The following AFAP1L2 variants were observed in gnomAD, a reference collection of about 807,000 sequenced individuals.
AFAP1L2 encodes the protein actin filament-associated protein 1-like 2.
Under a neutral mutation model 99.3 loss-of-function variants are expected in AFAP1L2, and 46 were observed. The ratio of observed to expected loss-of-function variants is 0.46; its 90% CI spans 0.37 to 0.59. The LOEUF (loss-of-function observed/expected upper bound fraction) is 0.59, where lower values mean the gene tolerates loss of function less well. Among genes scored for constraint, AFAP1L2 ranks in the 20% least tolerant of loss-of-function variants. The pLI, the probability that AFAP1L2 is intolerant of heterozygous loss-of-function variation, is 0.00. For synonymous variants in AFAP1L2, 397 were observed against 419.1 expected (o/e 0.95, Z 0.64); for missense variants, 959 against 1,034.9 (o/e 0.93, Z 1.01).
intron 1 of AFAP1L2, among the ~76,000 whole-genome samples, chr10:114,394,873 C>A (rs143888492): frequency 1.6e-3 from 245 of 152,272 alleles, no homozygotes; most frequent in African/African-American, 5.6e-3. Context: ...GTACCTGCCC[C>A]TGCTCTCTCA....
At chr10:114,348,388 C>G (rs915676015) in intron 1 of AFAP1L2, among the ~76,000 whole-genome samples, 1 of 152,194 alleles carries the variant, frequency 6.6e-6, no homozygotes, top group Non-Finnish European at 1.5e-5. Flanking sequence ...TCTCCCTACT[C>G]CCACAGCATG....
intron 1 of AFAP1L2, among the ~76,000 whole-genome samples, chr10:114,356,100 C>T (rs4144103): frequency 0.71 from 107,298 of 152,090 alleles, 40,736 homozygotes; most frequent in Middle Eastern, 0.85. Flanking sequence ...ACTATGGTCA[C>T]AATCAAAAAG....
chr10:114,300,473 A>T lies in AFAP1L2; in HGVS notation c.1760T>A (p.Ile587Lys), dbSNP rs575023290. Residue 587 changes from isoleucine to lysine, a missense_variant, in exon 14 of 19, where the codon ATA becomes AAA. Ile to Lys is a moderately radical substitution (Grantham distance 102, BLOSUM62 -3). Transcript: ENST00000304129. ...TTCTCCCAGGTTCTCTGGACACTTTATGCAGGGCTCATCTGGGGTGGGACC... is the reference window on the plus strand; with the variant it reads ...TTCTCCCAGGTTCTCTGGACACTTTTTGCAGGGCTCATCTGGGGTGGGACC... ...GPGPTPDEPC[I>K]KCPENLGEQQ... 10 of 1,613,464 alleles carry T rather than the reference A, an allele frequency of 6.2e-6. No homozygotes were observed. In the South Asian group the frequency reaches 9.9e-5, roughly 16 times the overall value.
intron 1 of AFAP1L2, among the ~76,000 whole-genome samples, chr10:114,341,266 G>A (rs2048787247): frequency 1.3e-5 from 2 of 152,168 alleles, no homozygotes; most frequent in African/African-American, 4.8e-5. Context: ...CCTCGCCTTG[G>A]CTTGACTGCA....
intron 1 of AFAP1L2, chr10:114,398,713 G>T: frequency 4.3e-6 from 3 of 691,650 alleles, no homozygotes; most frequent in Non-Finnish European, 4.2e-6. Flanking sequence ...CCGAGCCCCT[G>T]AGTGCCCAGG....
intron 1 of AFAP1L2, among the ~76,000 whole-genome samples, chr10:114,371,458 C>T (rs538196210): frequency 9.2e-5 from 14 of 151,538 alleles, no homozygotes; most frequent in Non-Finnish European, 1.3e-4. Flanking sequence ...CAGTCCCCCG[C>T]GAAAAAAAGA....
Position 114,307,878 on chromosome 10 carries a change from C to A in AFAP1L2, c.999G>T (p.Leu333=). The A allele has an allele frequency of 6.2e-7, 1 of 1,614,154 alleles. No homozygotes were observed. The highest frequency in any genetic ancestry group is 8.5e-7 in the Non-Finnish European group (1 of 1,180,010). ...TCCTGCCCAGATTCATTAGGTTGCT[C>A]AGTTTGAGGCCAGCAGAACATTTCT... The part of the protein sequence containing the change: ...VKKKCSAGLK[L]SNLMNLGRKK... Residue 333 remains leucine (L), a synonymous_variant, in exon 10 of 19, where the codon CTG becomes CTT. Transcript: ENST00000304129.
At chr10:114,350,650 C>A (rs4751938) in intron 1 of AFAP1L2, among the ~76,000 whole-genome samples, 107,530 of 152,012 alleles carry the variant, frequency 0.71, 38,168 homozygotes, top group Admixed American at 0.76. Context: ...CCAGAGGCAG[C>A]CCCTGGCAGC....
intron 1 of AFAP1L2, among the ~76,000 whole-genome samples, chr10:114,391,154 G>T (rs1275268069): frequency 6.6e-6 from 1 of 152,128 alleles, no homozygotes; most frequent in African/African-American, 2.4e-5. Context: ...TAACTTTGAT[G>T]TAATCCAACT....
intron 6 of AFAP1L2, among the ~76,000 whole-genome samples, chr10:114,315,149 C>CAACA (rs2043918440): frequency 6.6e-6 from 1 of 151,972 alleles, no homozygotes; most frequent in African/African-American, 2.4e-5. Flanking sequence ...TCAAAAACAA[C>CAACA]AACAAACAAA....
intron 1 of AFAP1L2, among the ~76,000 whole-genome samples, chr10:114,379,155 G>C (rs2055230111): frequency 6.6e-6 from 1 of 151,910 alleles, no homozygotes; most frequent in African/African-American, 2.4e-5. Context: ...GGAGGTTGTA[G>C]TGAGCCGTGA....
chr10:114,293,800 T>C (rs1367514500), downstream of AFAP1L2, among the ~76,000 whole-genome samples: 2 of 152,212 alleles, frequency 1.3e-5, no homozygotes, highest in African/African-American at 2.4e-5. Flanking sequence ...CAAATGATGC[T>C]AGTTTTGTCT....
Position 114,297,337 on chromosome 10 carries a change from G to A in AFAP1L2, c.2190C>T (p.Arg730=), listed in dbSNP as rs115650575. ...DEECRGEESR[R]VDLELSIMEV... ...CCATGATGCTGAGCTCCAGGTCCAC[G>A]CGCCTGCTCTCCTCGCCCCGGCACT... Residue 730 remains arginine (R), a synonymous_variant, in exon 17 of 19, where the codon CGC becomes CGT. Coordinates refer to ENST00000304129, the MANE Select transcript of AFAP1L2 (RefSeq NM_001001936.3). 2.9e-4 allele frequency: 467 copies of A among 1,613,864 alleles called. 1 individual carries two copies. In the African/African-American group the frequency reaches 4.3e-3, roughly 15 times the overall value.
At position 114,308,508 on chromosome 10, in the gene AFAP1L2, C is replaced by T. The variant is rs1590019493; in HGVS notation, c.892G>A (p.Ala298Thr). The change falls in exon 9 of 19, where the codon GCT becomes ACT. Residue 298 changes from alanine to threonine, a missense_variant. This residue lies in a region of AFAP1L2 where 383 missense variants were observed against 472.8 expected (regional missense o/e 0.81). Transcript: ENST00000304129. ...TCTGAAGCCGACAGGTACTTCTCAG[C>T]TATATCTGGCTATGGACAAAAGCGA... is the stretch of plus-strand genomic sequence containing the variant. Reference protein sequence around the residue: ...QRFNCQKPDIAEKYLSASEYG... With the variant: ...QRFNCQKPDITEKYLSASEYG... The T allele has an allele frequency of 6.2e-7, 1 of 1,614,158 alleles. No individual in the cohort carries two copies. Among genetic ancestry groups the T allele is most frequent in the Non-Finnish European group, 8.5e-7 (1 of 1,180,006 alleles).
the AFAP1L2 span, among the ~76,000 whole-genome samples, chr10:114,282,859 A>G: frequency 6.6e-6 from 1 of 152,156 alleles, no homozygotes; most frequent in East Asian, 1.9e-4. Flanking sequence ...AGACATCCTC[A>G]AAGCCAGCAC....
At chr10:114,354,806 C>T (rs2051077426) in intron 1 of AFAP1L2, among the ~76,000 whole-genome samples, 1 of 152,212 alleles carries the variant, frequency 6.6e-6, no homozygotes, top group Non-Finnish European at 1.5e-5. Flanking sequence ...TAGCTAGGGT[C>T]CCTAGGTCCA....
intron 1 of AFAP1L2, among the ~76,000 whole-genome samples, chr10:114,359,912 CATATATGTCACCAAG>C (rs2051984397): frequency 4.1e-5 from 1 of 24,546 alleles, no homozygotes; most frequent in Non-Finnish European, 1.3e-4. Context: ...TCACCAAGGA[CATATATGTCACCAAG>C]GACATATATG....
intron 1 of AFAP1L2, among the ~76,000 whole-genome samples, chr10:114,380,000 T>C (rs1273873048): frequency 6.6e-6 from 1 of 152,166 alleles, no homozygotes; most frequent in Non-Finnish European, 1.5e-5. Context: ...GGCGGGGGAA[T>C]CCCAAACTCC....
Position 114,300,599 on chromosome 10 carries a change from G to C in AFAP1L2, c.1634C>G (p.Ser545Cys), listed in dbSNP as rs763800216. 6.2e-7 allele frequency: 1 copy of C among 1,614,176 alleles called. No homozygotes were observed. The highest frequency in any genetic ancestry group is 1.7e-5 in the Admixed American group (1 of 60,020). ...RVYLDLTPVK[S>C]FLHGPSSAQA... Reference sequence around the variant, plus strand: ...TGCACTGCTGGGGCCATGCAGAAAGGACTTGACAGGTGTGAGGTCCAGGTA... The same window carrying C: ...TGCACTGCTGGGGCCATGCAGAAAGCACTTGACAGGTGTGAGGTCCAGGTA... The change falls in exon 14 of 19, where the codon TCC becomes TGC. Residue 545 changes from serine (S) to cysteine (C), a missense_variant. Physicochemically the swap from Ser to Cys is moderately radical, Grantham distance 112. Around this residue, in one of 2 missense-constraint regions of AFAP1L2, gnomAD observed 576 missense variants for 562.1 expected, o/e 1.02. Transcript: ENST00000304129.
Sources: allele counts gnomAD v4.1 joint callset (sites outside exome capture counted in the v4.1 genomes callset), GRCh38; gene constraint gnomAD v4.1.1; regional missense constraint gnomAD v4.1.1; transcripts MANE v1.5; gene names NCBI Gene and HGNC (gene_info 2026-07-23, HGNC 2026-07-21).